EEA1: variants seen among roughly 807,000 people sequenced by gnomAD.
The protein encoded by EEA1 is early endosome antigen 1, 162kD.
Under a neutral mutation model 209.2 loss-of-function variants are expected in EEA1, and 111 were observed. The observed-to-expected ratio is 0.53, with a 90% CI of 0.45 to 0.62. EEA1 has a LOEUF of 0.62. EEA1 is among the 20% of genes least tolerant of loss of function. EEA1 has a pLI of 0.00. For synonymous variants in EEA1, 536 were observed against 540.6 expected (o/e 0.99, Z 0.12); for missense variants, 1,343 against 1,530.8 (o/e 0.88, Z 2.05).
chr12:92,854,582 T>C (rs1285060426), intron 5 of EEA1, among the ~76,000 whole-genome samples: 1 of 152,238 alleles, frequency 6.6e-6, no homozygotes, highest in African/African-American at 2.4e-5. Context: ...GTTTGAAAGA[T>C]ACTTTGAAAG....
At chr12:92,901,190 G>A (rs1880126596) in intron 1 of EEA1, among the ~76,000 whole-genome samples, 2 of 152,030 alleles carry the variant, frequency 1.3e-5, no homozygotes, top group South Asian at 2.1e-4. Context: ...TGACTGAGCC[G>A]AAGTAAGCAA....
At chr12:92,867,699 C>T (rs1878464124) in intron 2 of EEA1, among the ~76,000 whole-genome samples, 1 of 152,114 alleles carries the variant, frequency 6.6e-6, no homozygotes. Flanking sequence ...TATTACCATA[C>T]AATGCTATAT....
chr12:92,871,589 G>A (rs1878650495), intron 2 of EEA1, among the ~76,000 whole-genome samples: 2 of 152,080 alleles, frequency 1.3e-5, no homozygotes, highest in Non-Finnish European at 2.9e-5. Context: ...TATAAAACAA[G>A]ACAATGCAAA....
At chr12:92,783,752 T>G (rs1340311199) in intron 22 of EEA1, among the ~76,000 whole-genome samples, 2 of 152,140 alleles carry the variant, frequency 1.3e-5, no homozygotes, top group East Asian at 3.9e-4. Context: ...CAGCTGCTAC[T>G]GCGAAGAATC....
At chr12:92,817,733 C>T (rs763702753) in intron 14 of EEA1, among the ~76,000 whole-genome samples, 1 of 152,090 alleles carries the variant, frequency 6.6e-6, no homozygotes, top group South Asian at 2.1e-4. Flanking sequence ...TGACCACTCT[C>T]GATTTTGTTG....
chr12:92,855,388 C>G (rs187498436), intron 5 of EEA1, among the ~76,000 whole-genome samples: 2 of 150,744 alleles, frequency 1.3e-5, no homozygotes, highest in Non-Finnish European at 2.9e-5. Flanking sequence ...CGAGATCGCG[C>G]GCCACTGCAC....
At chr12:92,840,139 T>A (rs962601295) in intron 10 of EEA1, among the ~76,000 whole-genome samples, 2 of 152,212 alleles carry the variant, frequency 1.3e-5, no homozygotes, top group Non-Finnish European at 2.9e-5. Flanking sequence ...CTTTCTTGAC[T>A]TTTTCCTTAT....
At chr12:92,875,283 A>G (rs993039052) in intron 2 of EEA1, among the ~76,000 whole-genome samples, 1 of 152,102 alleles carries the variant, frequency 6.6e-6, no homozygotes, top group Admixed American at 6.5e-5. Flanking sequence ...TAAAAATACA[A>G]AAATTAGCTG....
chr12:92,893,716 CTTCA>C (rs1319146182), intron 1 of EEA1, among the ~76,000 whole-genome samples: 1 of 151,592 alleles, frequency 6.6e-6, no homozygotes, highest in Admixed American at 6.6e-5. Context: ...AGACAGGAAT[CTTCA>C]TTTTTATTTT....
At chr12:92,884,883 A>C (rs1435329210) in intron 2 of EEA1, among the ~76,000 whole-genome samples, 3 of 152,118 alleles carry the variant, frequency 2.0e-5, no homozygotes, top group Non-Finnish European at 4.4e-5. Context: ...TGTATTTGTG[A>C]CTAATTGTAT....
chr12:92,848,690 C>T (rs952461276), intron 9 of EEA1, among the ~76,000 whole-genome samples: 10 of 133,510 alleles, frequency 7.5e-5, no homozygotes, highest in Non-Finnish European at 1.6e-4. Flanking sequence ...TTAGAAATGT[C>T]TTCCCATTAG....
intron 25 of EEA1, among the ~76,000 whole-genome samples, chr12:92,778,765 T>A (rs1199319154): frequency 6.6e-6 from 1 of 152,054 alleles, no homozygotes; most frequent in Non-Finnish European, 1.5e-5. Context: ...CGCTCCCCCT[T>A]ATCAACATTC....
rs1253332314 is a variant in EEA1 at position 92,864,883 on chromosome 12, T to C, written c.222A>G (p.Gly74=). Residue 74 remains glycine, a synonymous_variant, in exon 3 of 29, where the codon GGA becomes GGG. Transcript: ENST00000322349. ...ACCGCTTCAAAGCAAGATTAGACTC[T>C]CCTCCATGACCTGAGTCATTACCAG... is the stretch of plus-strand genomic sequence containing the variant. ...HDAGNDSGHG[G]ESNLALKRDD... 1 of 1,605,764 alleles carries C rather than the reference T, an allele frequency of 6.2e-7. No individual in the cohort carries two copies. The highest frequency in any genetic ancestry group is 8.5e-7 in the Non-Finnish European group (1 of 1,176,882).
chr12:92,797,639 T>C (rs1874715746), intron 21 of EEA1, among the ~76,000 whole-genome samples: 1 of 152,208 alleles, frequency 6.6e-6, no homozygotes, highest in Admixed American at 6.5e-5. Context: ...ATTTTGTAAA[T>C]ATTTGGATAC....
At chr12:92,853,739 T>C (rs1181157345) in intron 6 of EEA1, among the ~76,000 whole-genome samples, 176 bp downstream of exon 6, 1 of 152,204 alleles carries the variant, frequency 6.6e-6, no homozygotes, top group East Asian at 1.9e-4. Context: ...CTGATTAAAT[T>C]ATGAAGTTCA....
intron 1 of EEA1, among the ~76,000 whole-genome samples, chr12:92,927,899 T>C (rs1469232832): frequency 6.6e-6 from 1 of 152,246 alleles, no homozygotes; most frequent in Non-Finnish European, 1.5e-5. Flanking sequence ...CTCCCTCTAA[T>C]AACTGACCAA....
At chr12:92,864,827 A>G (rs1191350261) in intron 3 of EEA1, 33 bp downstream of exon 3, 1 of 1,520,414 alleles carries the variant, frequency 6.6e-7, no homozygotes, top group Non-Finnish European at 8.8e-7. Flanking sequence ...TGCATATTCC[A>G]TAACATTATA....
chr12:92,876,853 TAAAC>T (rs1268406659), intron 2 of EEA1, among the ~76,000 whole-genome samples: 1 of 139,872 alleles, frequency 7.1e-6, no homozygotes, highest in Non-Finnish European at 1.6e-5. Flanking sequence ...AAAAGATAAA[TAAAC>T]AACAACAAAA....
intron 12 of EEA1, among the ~76,000 whole-genome samples, chr12:92,827,165 G>C (rs563603732): frequency 6.6e-6 from 1 of 152,088 alleles, no homozygotes; most frequent in African/African-American, 2.4e-5. Context: ...AGACCAGCCT[G>C]GCCAACATGG....
Sources: gnomAD v4.1 joint callset for allele counts (sites outside exome capture counted in the v4.1 genomes callset) on GRCh38, gnomAD v4.1.1 for gene constraint, MANE v1.5 for transcripts, NCBI Gene and HGNC (gene_info 2026-07-23, HGNC 2026-07-21) for gene names.